Variants in NCOR2 observed in about 807,000 individuals in gnomAD.
The protein encoded by NCOR2 is nuclear receptor corepressor 2.
In NCOR2, 81 loss-of-function variants were observed where a neutral mutation model predicts 262.9. The ratio of observed to expected loss-of-function variants is 0.31; its 90% CI spans 0.26 to 0.37. NCOR2 has a LOEUF of 0.37. NCOR2 is among the 10% of genes least tolerant of loss of function. The probability of loss-of-function intolerance (pLI) is 1.00; values close to 1 mark genes in which losing one functional copy is unlikely to be tolerated. For missense variants in NCOR2, 3,385 were observed against 3,621.4 expected (o/e 0.93, Z 1.68); for synonymous variants, 1,659 against 1,559.3 (o/e 1.06, Z -1.51).
At chr12:124,535,914 C>G (rs1251620602), upstream of NCOR2, among the ~76,000 whole-genome samples, 6 of 151,702 alleles carry the variant, frequency 4.0e-5, no homozygotes, top group Admixed American at 1.3e-4. Flanking sequence ...GCAAGACCAC[C>G]GAGGGGCCCC....
rs142144336 is a variant in NCOR2 at position 124,408,124 on chromosome 12, G to A, written c.1483-5563C>T. Reference sequence around the variant, plus strand: ...AATCCCAGCACTTTGGGAGGCCGAGGCCGGCGGATCATGAGGTCAGGAAAT... The same window carrying A: ...AATCCCAGCACTTTGGGAGGCCGAGACCGGCGGATCATGAGGTCAGGAAAT... On this transcript the variant is annotated intron_variant, in intron 13 of 46. Coordinates refer to ENST00000405201, the Ensembl canonical transcript of NCOR2. Among the ~76,000 whole-genome samples, 232 of 152,280 alleles carry A rather than the reference G, an allele frequency of 1.5e-3. 2 individuals are homozygous for A. The highest frequency in any genetic ancestry group is 5.0e-3 in the African/African-American group (209 of 41,562).
intron 5 of NCOR2, among the ~76,000 whole-genome samples, chr12:124,465,110 G>A (rs1276371322): frequency 6.6e-6 from 1 of 150,584 alleles, no homozygotes; most frequent in Non-Finnish European, 1.5e-5. Context: ...CCTCAACTCT[G>A]AGCACTGATT....
At position 124,341,755 on chromosome 12, in the gene NCOR2, CA is replaced by C. The variant is rs2036480993; in HGVS notation, c.5188+67del. The C allele has an allele frequency of 4.5e-6, 7 of 1,540,232 alleles. No individual in the cohort carries two copies. In the South Asian group the frequency reaches 4.9e-5, roughly 11 times the overall value. On this transcript the variant is annotated intron_variant, in intron 34 of 46. Coordinates refer to ENST00000405201, the Ensembl canonical transcript of NCOR2. ...AGGTCTAGCTGCCTCCGCGAGGCCA[CA>C]GGGGCACGCCCATGTCCTTTGGGAA...
Position 124,548,539 on chromosome 12 carries a change from T to C in NCOR2, c.-164-12928A>G, listed in dbSNP as rs1334892521. Among the ~76,000 whole-genome samples, 2 of 152,146 alleles carry C rather than the reference T, an allele frequency of 1.3e-5. No homozygotes were observed. The highest frequency in any genetic ancestry group is 2.9e-5 in the Non-Finnish European group (2 of 68,038). On this transcript the variant is annotated intron_variant, in intron 1 of 32. Transcript: ENST00000458234. This position sits in a 1 kb window ranked among gnomAD's most constrained non-coding sequence, Gnocchi z 5.1. ...TTTCTTTTTGTCATTATTATTGATA[T>C]GAAAACAGAGGGTCTCGATGGCAAT...
intron 4 of NCOR2, among the ~76,000 whole-genome samples, chr12:124,466,922 A>T (rs536176125): frequency 6.6e-6 from 1 of 151,814 alleles, no homozygotes; most frequent in African/African-American, 2.4e-5. Flanking sequence ...AGCACGCAGC[A>T]CCTGACACAC....
intron 8 of NCOR2, 144 bp downstream of exon 10, chr12:124,437,786 G>C (rs3782272): frequency 1.5e-5 from 6 of 397,348 alleles, no homozygotes; most frequent in South Asian, 5.3e-5. Context: ...TTTCCTGGCC[G>C]GCCTTGGCTT....
intron 1 of NCOR2, among the ~76,000 whole-genome samples, chr12:124,506,832 A>C (rs1336760639): frequency 3.3e-5 from 5 of 152,140 alleles, no homozygotes; most frequent in Non-Finnish European, 5.9e-5. Context: ...TGGGCAAACC[A>C]CTTAACCCCG....
At chr12:124,403,765 C>G (rs1273894348) in intron 13 of NCOR2, among the ~76,000 whole-genome samples, 1 of 152,232 alleles carries the variant, frequency 6.6e-6, no homozygotes. Context: ...CTGACCCGCA[C>G]ACAACGCTCT....
chr12:124,344,779 C>T (rs1174323548), exon 32 of NCOR2: 20 of 1,550,506 alleles, frequency 1.3e-5, no homozygotes, highest in South Asian at 2.4e-5. Context: ...GGTCCCTGGC[C>T]GGCTCTTCAG....
rs540609533 is a variant in NCOR2, at chr12:124,516,619, C to T, written c.-118+18946G>A. Among the ~76,000 whole-genome samples, 332 of 152,270 alleles carry T rather than the reference C, an allele frequency of 2.2e-3. 1 individual carries two copies. The highest frequency in any genetic ancestry group is 7.3e-3 in the African/African-American group (305 of 41,552). On this transcript the variant is annotated intron_variant, in intron 1 of 46. Transcript: ENST00000404621. ...TCTCTCAGGCTCTCCCGAGACACAC[C>T]GGCAGGCTGCAGTGCTACCACTGTG... is the stretch of plus-strand genomic sequence containing the variant.
intron 22 of NCOR2, among the ~76,000 whole-genome samples, chr12:124,360,055 G>T (rs1367307409): frequency 2.0e-5 from 3 of 152,226 alleles, no homozygotes. Flanking sequence ...CTGGCCGGTG[G>T]CTCCCTTTCT....
In NCOR2 at chr12:124,341,915, G is replaced by A. The variant is rs749848130; in HGVS notation, c.5096C>T (p.Ala1699Val). ...AGCTCGCTGGGCCATGGCGGTGGCC[G>A]CGTTGTGGTGCATCTGCTGCGAGGT... The change falls in exon 34 of 47, where the codon GCG becomes GTG. Residue 1699 changes from alanine to valine, a missense_variant. Ala to Val is a moderately conservative substitution (Grantham distance 64, BLOSUM62 0). Around this residue, in one of 5 missense-constraint regions of NCOR2, gnomAD observed 1,615 missense variants for 1,626.9 expected, o/e 0.99. Coordinates refer to ENST00000405201, the Ensembl canonical transcript of NCOR2. 8.1e-6 allele frequency: 13 copies of A among 1,612,872 alleles called. 1 individual carries two copies. Among genetic ancestry groups the A allele is most frequent in the South Asian group, 5.5e-5 (5 of 91,094 alleles).
At chr12:124,410,761 C>T (rs2042533854) in intron 13 of NCOR2, among the ~76,000 whole-genome samples, 1 of 152,226 alleles carries the variant, frequency 6.6e-6, no homozygotes, top group Non-Finnish European at 1.5e-5. Context: ...CACCGCACAG[C>T]GGCTGCCCCT....
At chr12:124,384,050 G>T (rs1294573819) in intron 17 of NCOR2, among the ~76,000 whole-genome samples, 1 of 152,156 alleles carries the variant, frequency 6.6e-6, no homozygotes, top group African/African-American at 2.4e-5. Flanking sequence ...GAGGCGGGGG[G>T]AGGAGAGAGA....
rs1302114108 is a variant in NCOR2, at chr12:124,491,670, AG to A, written c.105+3476del. On this transcript the variant is annotated intron_variant, in intron 1 of 46. Transcript: ENST00000405201. ...GAGCTCAGGAGTGTTCAGGGGTCCC[AG>A]AGGACTTGAAGAAGAAGGCAGAATG... Among the ~76,000 whole-genome samples, 5 of 152,350 alleles carry A rather than the reference AG, an allele frequency of 3.3e-5. No individual in the cohort carries two copies. The East Asian group carries it at 5.8e-4, about 18-fold the overall frequency.
intron 7 of NCOR2, 140 bp downstream of exon 9, chr12:124,449,675 C>G: frequency 1.2e-6 from 1 of 842,902 alleles, no homozygotes; most frequent in Non-Finnish European, 1.8e-6. Flanking sequence ...TGTCTCCTGT[C>G]CCCTCCGGGA....
chr12:124,431,576 C>G (rs111173998), intron 8 of NCOR2, among the ~76,000 whole-genome samples: 5 of 151,182 alleles, frequency 3.3e-5, no homozygotes, highest in East Asian at 4.1e-4. Flanking sequence ...CACAGAGAGA[C>G]ACACACACAC....
At chr12:124,419,895 G>A (rs1398616760) in intron 13 of NCOR2, 62 bp downstream of exon 15, 4 of 1,457,522 alleles carry the variant, frequency 2.7e-6, no homozygotes, top group African/African-American at 2.8e-5. Flanking sequence ...TGGCCACCAA[G>A]CAAGTGGCCG....
intron 18 of NCOR2, among the ~76,000 whole-genome samples, chr12:124,374,994 G>GC (rs1372558739): frequency 6.6e-6 from 1 of 152,222 alleles, no homozygotes; most frequent in African/African-American, 2.4e-5. Flanking sequence ...AGCAACAGCA[G>GC]CAACGCTGGC....
Sources: allele counts gnomAD v4.1 joint callset (sites outside exome capture counted in the v4.1 genomes callset), GRCh38; gene constraint gnomAD v4.1.1; regional missense constraint gnomAD v4.1.1; non-coding constraint Gnocchi (gnomAD v3.1); transcripts MANE v1.5; gene names NCBI Gene and HGNC (gene_info 2026-07-23, HGNC 2026-07-21).